The following SLCO4A1 variants were observed in gnomAD, a reference collection of about 807,000 sequenced individuals.
The protein encoded by SLCO4A1 is colon organic anion transporter.
A neutral mutation model predicts 64.6 loss-of-function variants in SLCO4A1; 51 were observed. That is an observed-to-expected ratio of 0.79 (90% CI 0.63 to 1.00). SLCO4A1 has a LOEUF of 1.00. Among genes scored for constraint, SLCO4A1 ranks in the 50% least tolerant of loss-of-function variants. The pLI, the probability that SLCO4A1 is intolerant of heterozygous loss-of-function variation, is 0.00. For synonymous variants in SLCO4A1, 471 were observed against 444.9 expected (o/e 1.06, Z -0.74); for missense variants, 919 against 980.5 (o/e 0.94, Z 0.84).
chr20:62,677,932 G>T (rs1034596627), intron 2 of SLCO4A1, among the ~76,000 whole-genome samples: 4 of 152,254 alleles, frequency 2.6e-5, no homozygotes, highest in Non-Finnish European at 5.9e-5. Flanking sequence ...CTTCCCCTTA[G>T]GGGAGGGAAT....
downstream of SLCO4A1, among the ~76,000 whole-genome samples, chr20:62,675,484 C>T (rs1004582014): frequency 3.3e-5 from 5 of 152,170 alleles, no homozygotes; most frequent in African/African-American, 9.7e-5. Flanking sequence ...ATTGACAATC[C>T]GCCTGGCTCT....
chr20:62,666,824 T>G, intron 7 of SLCO4A1: 1 of 539,864 alleles, frequency 1.9e-6, no homozygotes, highest in South Asian at 2.3e-5. Flanking sequence ...TATGCCTCTC[T>G]GGGCCTCAGC....
At chr20:62,687,708 G>A (rs1356959426), downstream of SLCO4A1, among the ~76,000 whole-genome samples, 1 of 152,314 alleles carries the variant, frequency 6.6e-6, no homozygotes, top group East Asian at 1.9e-4. Flanking sequence ...GGGCTGTGGG[G>A]GGCCGCTCCT....
At chr20:62,643,094 G>C (rs1362115183) in intron 1 of SLCO4A1, 8 of 461,108 alleles carry the variant, frequency 1.7e-5, no homozygotes, top group African/African-American at 1.2e-4. Flanking sequence ...CTTTGTTCGC[G>C]CCAGAGGCGC....
chr20:62,685,844 C>T (rs1988041977), downstream of SLCO4A1: 1 of 152,238 alleles, frequency 6.6e-6, no homozygotes, highest in African/African-American at 2.4e-5. The surrounding 1 kb of genome is among the most constrained non-coding windows in gnomAD (Gnocchi z 4.6). Context: ...CGGCTTCTTC[C>T]TCCAGGAAGC....
intron 6 of SLCO4A1, chr20:62,665,307 C>G: frequency 3.7e-6 from 2 of 547,454 alleles, no homozygotes; most frequent in Non-Finnish European, 6.3e-6. Context: ...GGACATGCTC[C>G]GTAGGTGGAA....
intron 1 of SLCO4A1, among the ~76,000 whole-genome samples, chr20:62,652,479 G>GGCTTTT (rs554469113): frequency 8.2e-4 from 125 of 152,204 alleles, no homozygotes; most frequent in Admixed American, 7.3e-3. Flanking sequence ...TTGCTCCTCC[G>GGCTTTT]GCTTTTCCGC....
chr20:62,664,382 G>A (rs969959499), intron 5 of SLCO4A1, among the ~76,000 whole-genome samples: 5 of 152,192 alleles, frequency 3.3e-5, no homozygotes, highest in Non-Finnish European at 7.4e-5. Flanking sequence ...AGGGGCTGGC[G>A]GTTGGGGACT....
intron 2 of SLCO4A1, among the ~76,000 whole-genome samples, chr20:62,658,404 G>A (rs551334469): frequency 3.9e-5 from 6 of 152,362 alleles, no homozygotes; most frequent in Middle Eastern, 6.8e-3. Context: ...CTACTTAGAC[G>A]CCCTGCAAAC....
Position 62,666,410 on chromosome 20 carries a change from G to A in SLCO4A1, c.1307G>A (p.Gly436Asp), listed in dbSNP as rs868392951. 1.2e-6 allele frequency: 2 copies of A among 1,613,000 alleles called. No individual in the cohort carries two copies. Among genetic ancestry groups the A allele is most frequent in the Non-Finnish European group, 1.7e-6 (2 of 1,179,892 alleles). ...CTGGTGGTGCCAGCGGGTGGTGGCG[G>A]CACCTTCCTGGGCGGCTTCTTTGTG... is the stretch of plus-strand genomic sequence containing the variant. ...GYLVVPAGGG[G>D]TFLGGFFVNK... The change falls in exon 7 of 12, where the codon GGC (glycine) becomes GAC (aspartate). Residue 436 changes from glycine to aspartate, a missense_variant. Gly to Asp is a moderately conservative substitution (Grantham distance 94, BLOSUM62 -1). Transcript: ENST00000217159.
chr20:62,647,737 C>T (rs765206869), intron 1 of SLCO4A1, among the ~76,000 whole-genome samples: 7 of 152,238 alleles, frequency 4.6e-5, no homozygotes, highest in African/African-American at 1.4e-4. Flanking sequence ...TGGCACAGGC[C>T]GGGCTGTGTC....
chr20:62,668,863 G>C, intron 10 of SLCO4A1, 67 bp from the exon 11 acceptor site: 1 of 1,513,992 alleles, frequency 6.6e-7, no homozygotes, highest in East Asian at 2.3e-5. Context: ...AGGCCTCTTG[G>C]CTGCCTGCCC....
chr20:62,651,372 C>T (rs1982472608), intron 1 of SLCO4A1: 1 of 152,200 alleles, frequency 6.6e-6, no homozygotes, highest in Non-Finnish European at 1.5e-5. Flanking sequence ...ATAAGGGAGG[C>T]TGGCCCGAAG....
In SLCO4A1 at chr20:62,655,492, A is replaced by G. The variant is rs555938192; in HGVS notation, c.-96-867A>G. 2.6e-5 allele frequency among the ~76,000 whole-genome samples: 4 copies of G among 152,326 alleles called. No individual in the cohort carries two copies. The East Asian group carries it at 5.8e-4, about 22-fold the overall frequency. On this transcript the variant is annotated intron_variant, in intron 1 of 11. Coordinates refer to ENST00000217159, the MANE Select transcript of SLCO4A1 (RefSeq NM_016354.4). ...GGTTCCCCAGAAGGCCTTGGGCAGT[A>G]GGGGGGAGCTGTTGCTCCAGGAATT...
chr20:62,665,338 C>A (rs994837782), intron 6 of SLCO4A1: 10 of 462,280 alleles, frequency 2.2e-5, no homozygotes, highest in Admixed American at 4.0e-5. Context: ...TGGGCTCCAC[C>A]CCCTAGCCAC....
chr20:62,673,467 C>G (rs1987423742), downstream of SLCO4A1, among the ~76,000 whole-genome samples: 2 of 143,706 alleles, frequency 1.4e-5, 1 homozygote. Context: ...CAGTGACCTG[C>G]CTCCTCCGGG....
At chr20:62,674,211 G>A (rs894187085), downstream of SLCO4A1, among the ~76,000 whole-genome samples, 3 of 152,242 alleles carry the variant, frequency 2.0e-5, no homozygotes, top group South Asian at 2.1e-4. Flanking sequence ...TGAAGGAGGT[G>A]TTCTGGTACC....
intron 11 of SLCO4A1, among the ~76,000 whole-genome samples, chr20:62,670,404 A>G (rs892876912): frequency 1.3e-5 from 2 of 152,232 alleles, no homozygotes; most frequent in Non-Finnish European, 2.9e-5. Flanking sequence ...CCCCATCACC[A>G]TATCACAGTG....
intron 1 of SLCO4A1, among the ~76,000 whole-genome samples, chr20:62,654,690 G>C (rs748489177): frequency 6.6e-6 from 1 of 152,114 alleles, no homozygotes. Flanking sequence ...GTGATGTTTC[G>C]TGGGCTGAAT....
Sources: gnomAD v4.1 joint callset for allele counts (sites outside exome capture counted in the v4.1 genomes callset) on GRCh38, gnomAD v4.1.1 for gene constraint, Gnocchi (gnomAD v3.1) non-coding constraint, MANE v1.5 for transcripts, NCBI Gene and HGNC (gene_info 2026-07-23, HGNC 2026-07-21) for gene names.